The following CPQ variants were observed in gnomAD, a reference collection of about 807,000 sequenced individuals.
The protein encoded by CPQ is carboxypeptidase Q.
Under a neutral mutation model 45.7 loss-of-function variants are expected in CPQ, and 37 were observed. That is an observed-to-expected ratio of 0.81 (90% CI 0.62 to 1.07). The LOEUF is 1.07. CPQ is among the 50% of genes least tolerant of loss of function. The probability of loss-of-function intolerance (pLI) is 0.00; values close to 1 mark genes in which losing one functional copy is unlikely to be tolerated. For missense variants in CPQ, 537 were observed against 572.9 expected, an observed-to-expected ratio of 0.94 and a Z score of 0.64; for synonymous variants, 186 against 205.8, an observed-to-expected ratio of 0.90 and a Z score of 0.82.
intron 5 of CPQ, among the ~76,000 whole-genome samples, chr8:97,018,796 T>A (rs1280108947): frequency 1.3e-5 from 2 of 152,158 alleles, no homozygotes; most frequent in African/African-American, 4.8e-5. Context: ...TCTAAAAGTT[T>A]GGAAAATATA....
At chr8:97,062,202 T>G (rs1810562187) in intron 6 of CPQ, among the ~76,000 whole-genome samples, 1 of 152,206 alleles carries the variant, frequency 6.6e-6, no homozygotes, top group Admixed American at 6.6e-5. Context: ...ATTTTTGCTT[T>G]GGTTTAAAGG....
rs142343771 is a variant in CPQ at position 96,852,626 on chromosome 8, C to T, written c.641+17446C>T. On this transcript the variant is annotated intron_variant, in intron 3 of 7. Coordinates refer to ENST00000220763, the MANE Select transcript of CPQ (RefSeq NM_016134.4). ...CAGTTTAGAGCTTAGAGAAGTTTTT[C>T]ACTCTTCTTTTGACAGGTGTCAGAT... Among the ~76,000 whole-genome samples the T allele has an allele frequency of 2.6e-3, 395 of 152,240 alleles. 2 individuals carry two copies. Among genetic ancestry groups the T allele is most frequent in the African/African-American group, 8.9e-3 (369 of 41,536 alleles).
intron 5 of CPQ, among the ~76,000 whole-genome samples, chr8:97,003,446 C>CT (rs1809321714): frequency 6.6e-6 from 1 of 152,036 alleles, no homozygotes; most frequent in Non-Finnish European, 1.5e-5. Flanking sequence ...GACTTTATTT[C>CT]TTAGGACCCC....
intron 1 of CPQ, among the ~76,000 whole-genome samples, chr8:96,670,822 G>C (rs1808991710): frequency 7.5e-6 from 1 of 134,224 alleles, no homozygotes; most frequent in South Asian, 2.5e-4. Context: ...TTAAATGACA[G>C]AATTATAGAA....
chr8:96,757,354 G>GATAATAATA (rs3036414), intron 1 of CPQ, among the ~76,000 whole-genome samples: 68 of 139,386 alleles, frequency 4.9e-4, no homozygotes, highest in Middle Eastern at 3.7e-3. Context: ...CCATCTCAAT[G>GATAATAATA]ATAATAATAA....
At chr8:96,805,197 A>G (rs985322059) in intron 2 of CPQ, among the ~76,000 whole-genome samples, 5 of 152,240 alleles carry the variant, frequency 3.3e-5, no homozygotes, top group African/African-American at 1.2e-4. Context: ...GAAAAGCACA[A>G]TTAGGAAAAT....
intron 4 of CPQ, among the ~76,000 whole-genome samples, chr8:96,960,756 T>C (rs1368065015): frequency 6.6e-6 from 1 of 151,226 alleles, no homozygotes; most frequent in Admixed American, 6.6e-5. Flanking sequence ...AAGATTATAT[T>C]ATTTAGTTTA....
At chr8:97,030,667 A>G (rs769201453) in intron 6 of CPQ, among the ~76,000 whole-genome samples, 15 of 152,126 alleles carry the variant, frequency 9.9e-5, no homozygotes, top group Non-Finnish European at 1.9e-4. Context: ...TTCAATTAAT[A>G]TTTTCTGAAC....
chr8:96,651,373 A>G (rs1474258774), intron 1 of CPQ, among the ~76,000 whole-genome samples: 1 of 152,242 alleles, frequency 6.6e-6, no homozygotes, highest in African/African-American at 2.4e-5. Context: ...TTAAAATGAA[A>G]CCAAGTATAT....
At chr8:96,645,889 A>C (rs1038258038) in intron 1 of CPQ, among the ~76,000 whole-genome samples, 2 of 149,976 alleles carry the variant, frequency 1.3e-5, no homozygotes, top group Non-Finnish European at 3.0e-5. Context: ...CTGCTACTGG[A>C]CTCTCCTAGA....
intron 3 of CPQ, among the ~76,000 whole-genome samples, chr8:96,879,429 C>A (rs1812190658): frequency 6.6e-6 from 1 of 152,162 alleles, no homozygotes; most frequent in Admixed American, 6.5e-5. Flanking sequence ...ACATGTGGAT[C>A]TTCTGGTCTG....
At chr8:96,813,615 G>T (rs987660779) in intron 2 of CPQ, among the ~76,000 whole-genome samples, 14 of 152,148 alleles carry the variant, frequency 9.2e-5, no homozygotes, top group Non-Finnish European at 7.4e-5. Context: ...AGCTGGACTT[G>T]CTTTCTTGAG....
chr8:96,944,264 C>A (rs553236749), intron 4 of CPQ, among the ~76,000 whole-genome samples: 482 of 152,112 alleles, frequency 3.2e-3, no homozygotes, highest in African/African-American at 0.011. Flanking sequence ...TGGTTCATAC[C>A]CAGTTTTCCA....
rs150263499 is a variant in CPQ, at chr8:96,694,848, T to C, written c.-35+49446T>C. Among the ~76,000 whole-genome samples the C allele has an allele frequency of 3.2e-4, 48 of 152,290 alleles. No individual in the cohort carries two copies. The East Asian group carries it at 8.9e-3, about 28-fold the overall frequency. On this transcript the variant is annotated intron_variant, in intron 1 of 7. Coordinates refer to ENST00000220763, the MANE Select transcript of CPQ (RefSeq NM_016134.4). ...TTCAAATAAACAAACTAATGGTGTATCTTAAAGAACTAGAAAAGCAGTTTT... is the reference window on the plus strand; with the variant it reads ...TTCAAATAAACAAACTAATGGTGTACCTTAAAGAACTAGAAAAGCAGTTTT...
chr8:96,974,241 A>G (rs1379306476), intron 5 of CPQ, among the ~76,000 whole-genome samples: 2 of 152,194 alleles, frequency 1.3e-5, no homozygotes, highest in African/African-American at 4.8e-5. Flanking sequence ...AGAAAAAACA[A>G]ACTTTAAATC....
At chr8:96,667,631 G>A (rs544542857) in intron 1 of CPQ, among the ~76,000 whole-genome samples, 1 of 152,208 alleles carries the variant, frequency 6.6e-6, no homozygotes, top group South Asian at 2.1e-4. Flanking sequence ...TTACAGGTGT[G>A]AGCCACCGCA....
intron 1 of CPQ, among the ~76,000 whole-genome samples, chr8:96,689,204 G>A (rs1005427906): frequency 5.3e-5 from 8 of 152,106 alleles, no homozygotes; most frequent in African/African-American, 1.9e-4. Flanking sequence ...TGTGGAGCTG[G>A]GGAGAACCTC....
chr8:96,769,189 T>G (rs1236699184), intron 1 of CPQ, among the ~76,000 whole-genome samples: 1 of 152,212 alleles, frequency 6.6e-6, no homozygotes, highest in Non-Finnish European at 1.5e-5. Context: ...CTGGTTTTAC[T>G]GGGAGAAATA....
intron 2 of CPQ, among the ~76,000 whole-genome samples, chr8:96,800,541 T>C (rs1439227633): frequency 6.6e-6 from 1 of 152,208 alleles, no homozygotes; most frequent in Non-Finnish European, 1.5e-5. Flanking sequence ...ATGATTATTA[T>C]AGCAGTATTT....
Sources: gnomAD v4.1 joint callset for allele counts (sites outside exome capture counted in the v4.1 genomes callset) on GRCh38, gnomAD v4.1.1 for gene constraint, MANE v1.5 for transcripts, NCBI Gene and HGNC (gene_info 2026-07-23, HGNC 2026-07-21) for gene names.